Variants in TRIP12 observed in about 807,000 individuals in gnomAD.
TRIP12 encodes the protein thyroid hormone receptor interactor 12.
Under a neutral mutation model 244.2 loss-of-function variants are expected in TRIP12, and 25 were observed. The ratio of observed to expected loss-of-function variants is 0.10; its 90% CI spans 0.07 to 0.14. The LOEUF (loss-of-function observed/expected upper bound fraction) is 0.14. Ranked by LOEUF, TRIP12 falls within the 10% of genes least tolerant of loss-of-function variation. The pLI is 1.00. For synonymous variants in TRIP12, 905 were observed against 873.1 expected (o/e 1.04, Z -0.64); for missense variants, 1,677 against 2,486.4 (o/e 0.67, Z 6.92).
At chr2:229,916,691 T>C (rs2075450824) in intron 1 of TRIP12, among the ~76,000 whole-genome samples, 1 of 152,048 alleles carries the variant, frequency 6.6e-6, no homozygotes, top group Non-Finnish European at 1.5e-5. Flanking sequence ...ATCACTGAAA[T>C]CACAATAAAC....
intron 21 of TRIP12, among the ~76,000 whole-genome samples, chr2:229,799,822 T>G (rs1366739675): frequency 6.6e-6 from 1 of 152,174 alleles, no homozygotes; most frequent in Non-Finnish European, 1.5e-5. Flanking sequence ...GTTTAGTGAT[T>G]ATTTAATGCC....
At chr2:229,864,726 C>T (rs971640967) in intron 2 of TRIP12, among the ~76,000 whole-genome samples, 2 of 152,180 alleles carry the variant, frequency 1.3e-5, no homozygotes, top group Non-Finnish European at 1.5e-5. Flanking sequence ...TCTCTATTTA[C>T]CAAGTGTGTA....
chr2:229,830,725 G>A (rs963812011), intron 7 of TRIP12, 31 bp downstream of exon 7: 1 of 1,580,912 alleles, frequency 6.3e-7, no homozygotes, highest in African/African-American at 1.3e-5. Context: ...TCATGGTAAT[G>A]GTTTCTTATA....
rs1399293988 is a variant in TRIP12, at chr2:229,794,899, T to C, written c.3968+280A>G. The C allele has an allele frequency of 1.3e-5, 3 of 222,442 alleles. No individual in the cohort carries two copies. The East Asian group carries it at 3.1e-4, about 23-fold the overall frequency. 13.8% of individuals were successfully genotyped at this position (222,442 alleles called of 1,614,324 possible). ...ATAAAGTTCTTAAGGAAGTTTTGTA[T>C]GCTGAAGTGTATCAATTTAAGGAAA... On this transcript the variant is annotated intron_variant, in intron 26 of 41. Transcript: ENST00000675903.
intron 41 of TRIP12, 32 bp downstream of exon 41, chr2:229,768,584 G>C: frequency 6.3e-7 from 1 of 1,598,666 alleles, no homozygotes; most frequent in Non-Finnish European, 8.5e-7. Flanking sequence ...CCCATAGGTA[G>C]AATAAATGCT....
Position 229,802,280 on chromosome 2 carries a change from C to T in TRIP12, c.3178G>A (p.Asp1060Asn). 2.5e-6 allele frequency: 4 copies of T among 1,609,514 alleles called. No individual in the cohort carries two copies. The highest frequency in any genetic ancestry group is 3.4e-6 in the Non-Finnish European group (4 of 1,176,768). Residue 1060 changes from aspartate to asparagine, a missense_variant, in exon 21 of 42, where the codon GAT (aspartate) becomes AAT (asparagine). Around this residue, in one of 11 missense-constraint regions of TRIP12, gnomAD observed 572 missense variants for 867.8 expected, o/e 0.66. Coordinates refer to ENST00000675903, the MANE Select transcript of TRIP12 (RefSeq NM_001348323.3). Reference protein sequence around the residue: ...LGSPSLQHSRDDSLDLSPQGR... With the variant: ...LGSPSLQHSRNDSLDLSPQGR... ...TGAGGGCTGAGATCTAAAGAATCAT[C>T]CCTGCTGTGCTGCAAGCTGGGTGAT...
intron 1 of TRIP12, among the ~76,000 whole-genome samples, chr2:229,898,669 TA>T (rs1052820728): frequency 1.3e-5 from 2 of 152,322 alleles, no homozygotes; most frequent in African/African-American, 4.8e-5. Context: ...GATTCTTCTC[TA>T]AAATTTGCAT....
chr2:229,865,621 A>T lies in TRIP12; in HGVS notation c.99-5090T>A, dbSNP rs567305316. Among the ~76,000 whole-genome samples, 40 of 152,262 alleles carry T rather than the reference A, an allele frequency of 2.6e-4. No homozygotes were observed. The South Asian group carries it at 7.9e-3, about 30-fold the overall frequency. On this transcript the variant is annotated intron_variant, in intron 2 of 41. Coordinates refer to ENST00000675903, the MANE Select transcript of TRIP12 (RefSeq NM_001348323.3). ...ATTACAACTCTAAATTTGTTTGTGT[A>T]TATGTGTATACAGACACATTTTTAT...
At position 229,845,309 on chromosome 2, in the gene TRIP12, C is replaced by T. The variant is rs151078107; in HGVS notation, c.1028-4382G>A. Among the ~76,000 whole-genome samples the T allele has an allele frequency of 3.2e-3, 485 of 152,284 alleles. 1 individual carries two copies. Among genetic ancestry groups the T allele is most frequent in the Middle Eastern group, 0.014 (4 of 294 alleles). ...TAATCCCAAAATTCAGACCGTAAGT[C>T]ATTATTAGAATTTTTAGTCTAGAGC... On this transcript the variant is annotated intron_variant, in intron 4 of 41. Transcript: ENST00000675903.
intron 6 of TRIP12, among the ~76,000 whole-genome samples, chr2:229,832,172 C>A (rs778418825): frequency 1.3e-5 from 2 of 152,016 alleles, no homozygotes; most frequent in Non-Finnish European, 2.9e-5. Context: ...AAAAAAAATT[C>A]TTAGAAAAGC....
chr2:229,807,500 G>T, intron 17 of TRIP12: 1 of 610,598 alleles, frequency 1.6e-6, no homozygotes, highest in Non-Finnish European at 2.9e-6. Flanking sequence ...AAGTCAATCA[G>T]GTAGTTAGCA....
intron 17 of TRIP12, 133 bp from the exon 18 acceptor site, chr2:229,806,016 A>G: frequency 1.5e-6 from 1 of 675,236 alleles, no homozygotes; most frequent in Non-Finnish European, 2.3e-6. Flanking sequence ...AGTTAACAGA[A>G]GATGGAATAA....
intron 1 of TRIP12, among the ~76,000 whole-genome samples, chr2:229,898,630 T>C (rs1405878448): frequency 2.6e-5 from 4 of 152,200 alleles, no homozygotes; most frequent in Non-Finnish European, 5.9e-5. Flanking sequence ...AATCAACTTT[T>C]TAAGTGATAA....
intron 4 of TRIP12, among the ~76,000 whole-genome samples, chr2:229,852,884 A>G (rs928522561): frequency 5.9e-5 from 9 of 152,206 alleles, no homozygotes; most frequent in African/African-American, 2.2e-4. Context: ...GTATTCCATG[A>G]ACCACTACTG....
chr2:229,791,347 G>A, intron 29 of TRIP12, 96 bp from the exon 30 acceptor site: 1 of 1,378,162 alleles, frequency 7.3e-7, no homozygotes, highest in Non-Finnish European at 1.0e-6. Context: ...CCAGAAGACT[G>A]TTCTGAGATC....
intron 40 of TRIP12, 149 bp downstream of exon 40, chr2:229,769,082 G>A: frequency 1.6e-6 from 1 of 634,820 alleles, no homozygotes; most frequent in Middle Eastern, 2.8e-4. Context: ...GGCCAAAACA[G>A]AAGTAAGCAT....
chr2:229,802,410 T>TAACTTCAA lies in TRIP12; in HGVS notation c.3047_3048insTTGAAGTT (p.Ser1017Ter). On this transcript the variant is annotated stop_gained and frameshift_variant, in exon 21 of 42. Coordinates refer to ENST00000675903, the MANE Select transcript of TRIP12 (RefSeq NM_001348323.3). LOFTEE classifies it high-confidence loss of function. ...CATTCGTACATGCCTTTGGTGGACT[T>TAACTTCAA]GTCAACAAAGACTCTGATTCTGCTA... is the stretch of plus-strand genomic sequence containing the variant. 1 of 1,614,084 alleles carries TAACTTCAA rather than the reference T, an allele frequency of 6.2e-7. No homozygotes were observed. Among genetic ancestry groups the TAACTTCAA allele is most frequent in the Non-Finnish European group, 8.5e-7 (1 of 1,179,994 alleles).
At chr2:229,790,939 C>T (rs1165006842) in intron 30 of TRIP12, among the ~76,000 whole-genome samples, 185 bp downstream of exon 30, 2 of 152,096 alleles carry the variant, frequency 1.3e-5, no homozygotes, top group Non-Finnish European at 2.9e-5. Flanking sequence ...TTTGTAGGTA[C>T]TTAATTTTTC....
intron 2 of TRIP12, among the ~76,000 whole-genome samples, chr2:229,870,124 GAGT>G (rs1576390670): frequency 6.6e-6 from 1 of 152,184 alleles, no homozygotes; most frequent in East Asian, 1.9e-4. Context: ...TATTAGAACA[GAGT>G]AACTACCCAT....
Sources: gnomAD v4.1 joint callset for allele counts (sites outside exome capture counted in the v4.1 genomes callset) on GRCh38, gnomAD v4.1.1 for gene constraint, gnomAD v4.1.1 regional missense constraint, MANE v1.5 for transcripts, NCBI Gene and HGNC (gene_info 2026-07-23, HGNC 2026-07-21) for gene names.